Variants in C4BPA observed in about 807,000 individuals in gnomAD.
C4BPA encodes the protein C4b-binding protein alpha chain.
C4BPA carries 31 observed loss-of-function variants against 63.7 expected under a neutral mutation model. The ratio of observed to expected loss-of-function variants is 0.49; its 90% CI spans 0.37 to 0.66. The LOEUF is 0.66. C4BPA is among the 30% of genes least tolerant of loss of function. The pLI, the probability that C4BPA is intolerant of heterozygous loss-of-function variation, is 0.00. For missense variants in C4BPA, 572 were observed against 723.3 expected, an observed-to-expected ratio of 0.79 and a Z score of 2.40; for synonymous variants, 259 against 254.7, an observed-to-expected ratio of 1.02 and a Z score of -0.16.
intron 9 of C4BPA, among the ~76,000 whole-genome samples, chr1:207,134,940 G>A (rs1217736628): frequency 6.6e-6 from 1 of 152,146 alleles, no homozygotes; most frequent in Non-Finnish European, 1.5e-5. Context: ...CTGCCTTTCT[G>A]AACTTGTTTC....
rs148489140 is a variant in C4BPA, at chr1:207,114,258, G to A, written c.301G>A (p.Glu101Lys). 2.0e-5 allele frequency: 32 copies of A among 1,613,004 alleles called. No individual in the cohort carries two copies. The highest frequency in any genetic ancestry group is 1.7e-4 in the Middle Eastern group (1 of 6,042). Residue 101 changes from glutamate (E) to lysine (K), a missense_variant, in exon 3 of 12, where the codon GAA becomes AAA. Transcript: ENST00000367070. ...TQTLTCNSDG[E>K]WVYNTFCIYK... ...GACGCTTACCTGTAATTCTGATGGC[G>A]AATGGGTGTATAACACCTTCTGTAT...
At chr1:207,141,001 A>C in intron 9 of C4BPA, 105 bp from the exon 10 acceptor site, 1 of 819,594 alleles carries the variant, frequency 1.2e-6, no homozygotes, top group Non-Finnish European at 1.8e-6. Flanking sequence ...CAGCGAGGAT[A>C]GAAGGACAGA....
intron 2 of C4BPA, 148 bp from the exon 3 acceptor site, chr1:207,113,952 A>G: frequency 6.6e-6 from 4 of 610,494 alleles, no homozygotes; most frequent in South Asian, 2.3e-5. Flanking sequence ...TGTATTGAAC[A>G]GAGAGTATAA....
chr1:207,134,341 T>A (rs1440533595), intron 8 of C4BPA, 63 bp from the exon 9 acceptor site: 1 of 1,200,178 alleles, frequency 8.3e-7, no homozygotes, highest in African/African-American at 1.5e-5. Context: ...AATGAGGTTG[T>A]TAGCCATAGA....
chr1:207,109,371 T>C (rs1236606227), intron 1 of C4BPA, among the ~76,000 whole-genome samples: 1 of 152,222 alleles, frequency 6.6e-6, no homozygotes, highest in East Asian at 1.9e-4. Flanking sequence ...ATGAAACTCT[T>C]CCCTATAATT....
At chr1:207,140,628 A>T (rs1685394542) in intron 9 of C4BPA, among the ~76,000 whole-genome samples, 4 of 151,900 alleles carry the variant, frequency 2.6e-5, no homozygotes, top group Admixed American at 2.6e-4. Flanking sequence ...CATTTATCCA[A>T]TGAGCTCTTT....
chr1:207,133,543 A>C (rs185389098), intron 8 of C4BPA, among the ~76,000 whole-genome samples: 1 of 152,194 alleles, frequency 6.6e-6, no homozygotes, highest in African/African-American at 2.4e-5. Context: ...GTGGGGGGCC[A>C]CTTGAGGCCA....
At chr1:207,132,383 G>A (rs1187306446) in intron 8 of C4BPA, among the ~76,000 whole-genome samples, 1 of 152,200 alleles carries the variant, frequency 6.6e-6, no homozygotes, top group African/African-American at 2.4e-5. Flanking sequence ...ACAGACAAGA[G>A]AGGAAGAAAA....
chr1:207,117,322 G>A (rs917363805), intron 4 of C4BPA, among the ~76,000 whole-genome samples: 2 of 152,088 alleles, frequency 1.3e-5, no homozygotes, highest in Admixed American at 6.6e-5. Flanking sequence ...GTGGTAGCAC[G>A]CACTTCTAGT....
At chr1:207,113,612 A>G (rs1316529673) in intron 2 of C4BPA, among the ~76,000 whole-genome samples, 2 of 152,196 alleles carry the variant, frequency 1.3e-5, no homozygotes, top group Non-Finnish European at 2.9e-5. Context: ...CAGATGTAAA[A>G]AAAATAAATT....
intron 1 of C4BPA, among the ~76,000 whole-genome samples, chr1:207,108,956 C>T (rs1240963007): frequency 3.3e-5 from 5 of 151,950 alleles, no homozygotes; most frequent in African/African-American, 4.8e-5. Flanking sequence ...CTCCTGACCT[C>T]GTGATCTGCC....
At position 207,134,568 on chromosome 1, in the gene C4BPA, C is replaced by T. The variant is rs755445466; in HGVS notation, c.1249C>T (p.Pro417Ser). ...AICQGDGTWS[P>S]RTPSCGDICN... is the part of the protein sequence containing the mutation. Reference sequence around the variant, plus strand: ...ATGCCAAGGAGATGGCACGTGGAGTCCCCGAACACCATCATGTGGAGACAG... The same window carrying T: ...ATGCCAAGGAGATGGCACGTGGAGTTCCCGAACACCATCATGTGGAGACAG... The change falls in exon 9 of 12, where the codon CCC (proline) becomes TCC (serine). Residue 417 changes from proline (P) to serine (S), a missense_variant. This residue lies in a region of C4BPA where 465 missense variants were observed against 629.4 expected (regional missense o/e 0.74). Coordinates refer to ENST00000367070, the MANE Select transcript of C4BPA (RefSeq NM_000715.4). 1.2e-5 allele frequency: 19 copies of T among 1,612,608 alleles called. No individual in the cohort carries two copies. Among genetic ancestry groups the T allele is most frequent in the Non-Finnish European group, 1.5e-5 (18 of 1,178,956 alleles).
At chr1:207,142,761 T>C (rs1180562037) in intron 10 of C4BPA, among the ~76,000 whole-genome samples, 1 of 152,188 alleles carries the variant, frequency 6.6e-6, no homozygotes, top group Non-Finnish European at 1.5e-5. Context: ...CAATCAAAAC[T>C]GTGAGTGACA....
intron 4 of C4BPA, among the ~76,000 whole-genome samples, chr1:207,116,495 A>AGT (rs200444986): frequency 0.053 from 6,599 of 124,420 alleles, 215 homozygotes; most frequent in African/African-American, 0.085. Flanking sequence ...CTTTTCCCAC[A>AGT]GTGTGTGTGT....
chr1:207,126,577 G>A (rs1448326187), intron 6 of C4BPA, 136 bp from the exon 7 acceptor site: 1 of 563,952 alleles, frequency 1.8e-6, no homozygotes, highest in African/African-American at 1.9e-5. Context: ...ACTTTAAAAT[G>A]TTTCCCTTGT....
intron 6 of C4BPA, 88 bp from the exon 7 acceptor site, chr1:207,126,625 G>T: frequency 2.2e-6 from 2 of 905,276 alleles, no homozygotes; most frequent in Non-Finnish European, 3.4e-6. Flanking sequence ...CATTTGTGTT[G>T]CACTTGTAAC....
At chr1:207,127,977 A>G (rs1383170115) in intron 7 of C4BPA, among the ~76,000 whole-genome samples, 1 of 152,190 alleles carries the variant, frequency 6.6e-6, no homozygotes, top group Non-Finnish European at 1.5e-5. Flanking sequence ...GTGGAAGTCG[A>G]ATATTGAATC....
At chr1:207,114,064 A>C (rs1001512697) in intron 2 of C4BPA, 36 bp from the exon 3 acceptor site, 1 of 1,571,410 alleles carries the variant, frequency 6.4e-7, no homozygotes, top group African/African-American at 1.4e-5. Flanking sequence ...GTCCCAAGGT[A>C]TAAGTTTTGG....
chr1:207,119,993 G>A (rs1684888145), intron 4 of C4BPA, among the ~76,000 whole-genome samples: 1 of 152,158 alleles, frequency 6.6e-6, no homozygotes, highest in Non-Finnish European at 1.5e-5. Context: ...GGTTATTATA[G>A]TTTTTTGTTG....
Sources: gnomAD v4.1 joint callset for allele counts (sites outside exome capture counted in the v4.1 genomes callset) on GRCh38, gnomAD v4.1.1 for gene constraint, gnomAD v4.1.1 regional missense constraint, MANE v1.5 for transcripts, NCBI Gene and HGNC (gene_info 2026-07-23, HGNC 2026-07-21) for gene names.